The following FANCA variants were observed in gnomAD, a reference collection of about 807,000 sequenced individuals.
The protein encoded by FANCA is Fanconi anemia group A protein.
A neutral mutation model predicts 194.3 loss-of-function variants in FANCA; 236 were observed. The ratio of observed to expected loss-of-function variants is 1.21; its 90% CI spans 1.09 to 1.35. The LOEUF is 1.35. FANCA is among the 40% of genes most tolerant of loss of function. FANCA has a pLI of 0.00. For synonymous variants in FANCA, 1,014 were observed against 715.8 expected, an observed-to-expected ratio of 1.42 and a Z score of -6.65; for missense variants, 2,628 against 1,813.9, an observed-to-expected ratio of 1.45 and a Z score of -8.15.
chr16:89,788,216 A>G (rs1170070207), intron 14 of FANCA, among the ~76,000 whole-genome samples: 1 of 152,164 alleles, frequency 6.6e-6, no homozygotes, highest in African/African-American at 2.4e-5. Flanking sequence ...TAATCCCAGC[A>G]CTTTGGGAGG....
At chr16:89,805,232 G>C in intron 7 of FANCA, 48 bp downstream of exon 7, 1 of 1,437,758 alleles carries the variant, frequency 7.0e-7, no homozygotes, top group Non-Finnish European at 9.8e-7. Flanking sequence ...CATTATCACA[G>C]ATCAAAATGA....
intron 33 of FANCA, among the ~76,000 whole-genome samples, chr16:89,748,361 G>A (rs1414620516): frequency 6.6e-6 from 1 of 152,206 alleles, no homozygotes. Context: ...CGAGGTGCGT[G>A]GCACACAAAA....
At chr16:89,814,467 T>C in intron 3 of FANCA, 53 bp downstream of exon 3, 1 of 1,335,760 alleles carries the variant, frequency 7.5e-7, no homozygotes, top group Non-Finnish European at 1.1e-6. Context: ...CTATGGTTAC[T>C]ATATAAAAAC....
Position 89,738,289 on chromosome 16 carries a change from C to T in FANCA, c.*312G>A. ...AGCACCTCTAGCAGCCTGGACTCCG[C>T]AGTGGCTGTGTCAGCCTCACCCTTC... is the stretch of plus-strand genomic sequence containing the variant. On this transcript the variant is annotated 3_prime_UTR_variant, in exon 43 of 43. Transcript: ENST00000389301. 6.5e-7 allele frequency: 1 copy of T among 1,547,692 alleles called. No homozygotes were observed. The highest frequency in any genetic ancestry group is 8.7e-7 in the Non-Finnish European group (1 of 1,147,788).
intron 7 of FANCA, among the ~76,000 whole-genome samples, chr16:89,804,561 G>T (rs539838287): frequency 6.6e-6 from 1 of 151,410 alleles, no homozygotes; most frequent in Non-Finnish European, 1.5e-5. Flanking sequence ...ACTCTGGTCC[G>T]AGCCATCCTC....
chr16:89,785,395 T>C (rs1002388465), intron 14 of FANCA, among the ~76,000 whole-genome samples: 3 of 152,152 alleles, frequency 2.0e-5, no homozygotes, highest in Non-Finnish European at 4.4e-5. Flanking sequence ...TTTTGTGGGA[T>C]GAAGCCACTT....
In FANCA at chr16:89,792,159, C is replaced by T. The variant is rs1052535023; in HGVS notation, c.1084-91G>A. ...CCTTCCTCCCAGCCGGTGGCCACCG[C>T]AGCCCCCTCACTTCCCACTGCAAAG... On this transcript the variant is annotated intron_variant, in intron 12 of 42. Coordinates refer to ENST00000389301, the MANE Select transcript of FANCA (RefSeq NM_000135.4). The T allele has an allele frequency of 2.0e-6, 3 of 1,467,586 alleles. No individual in the cohort carries two copies. The African/African-American group carries it at 4.1e-5, about 20-fold the overall frequency. The allele number at this position is 1,467,586 out of a possible 1,614,324, so 90.9% of individuals were successfully genotyped here.
Position 89,769,331 on chromosome 16 carries a change from C to T in FANCA, c.2504+506G>A, listed in dbSNP as rs867017906. ...GATTCTGTCCTGGCTTCTGCCTGTG[C>T]GTGGCAGCTGCAGGGAGCCCTTGAG... On this transcript the variant is annotated intron_variant, in intron 26 of 42. Coordinates refer to ENST00000389301, the MANE Select transcript of FANCA (RefSeq NM_000135.4). Among the ~76,000 whole-genome samples, 27 of 152,290 alleles carry T rather than the reference C, an allele frequency of 1.8e-4. No homozygotes were observed. In the South Asian group the frequency reaches 4.4e-3, roughly 25 times the overall value.
chr16:89,811,540 G>T (rs1204400013), intron 3 of FANCA, among the ~76,000 whole-genome samples: 1 of 152,128 alleles, frequency 6.6e-6, no homozygotes, highest in Non-Finnish European at 1.5e-5. Context: ...TGGTGGGCAG[G>T]TGCAGTCACA....
chr16:89,743,382 A>T (rs2062179139), intron 36 of FANCA, among the ~76,000 whole-genome samples: 1 of 152,344 alleles, frequency 6.6e-6, no homozygotes, highest in Middle Eastern at 3.4e-3. Context: ...AATTGGTAGG[A>T]AATTAATGAA....
At chr16:89,777,002 AAG>A (rs1271381577) in intron 20 of FANCA, among the ~76,000 whole-genome samples, 4 of 151,788 alleles carry the variant, frequency 2.6e-5, no homozygotes, top group Admixed American at 1.3e-4. Flanking sequence ...ATTTGAGGCC[AAG>A]AGAGAGAGAA....
At chr16:89,768,262 GT>G (rs1375271683) in intron 26 of FANCA, among the ~76,000 whole-genome samples, 5 of 152,316 alleles carry the variant, frequency 3.3e-5, no homozygotes, top group Non-Finnish European at 5.9e-5. Context: ...CAATACCCAT[GT>G]GAAAAATTCT....
chr16:89,806,347 C>CTTTTTTTTTT (rs34862478), intron 6 of FANCA, among the ~76,000 whole-genome samples: 1 of 110,448 alleles, frequency 9.1e-6, no homozygotes, highest in Non-Finnish European at 1.7e-5. Flanking sequence ...CTATATCATT[C>CTTTTTTTTTT]TTTTTTTTTT....
At chr16:89,753,308 G>T (rs574818371) in intron 30 of FANCA, among the ~76,000 whole-genome samples, 1 of 152,170 alleles carries the variant, frequency 6.6e-6, no homozygotes, top group South Asian at 2.1e-4. Context: ...CCCGACACTC[G>T]GGGCCACTAC....
At chr16:89,792,667 T>G in intron 11 of FANCA, 120 bp from the exon 12 acceptor site, 2 of 784,376 alleles carry the variant, frequency 2.5e-6, no homozygotes, top group South Asian at 2.9e-5. Context: ...CGAGAGAGTG[T>G]AGAAAGAAAG....
At chr16:89,763,000 C>T (rs2039005051) in intron 28 of FANCA, among the ~76,000 whole-genome samples, 1 of 150,006 alleles carries the variant, frequency 6.7e-6, no homozygotes, top group Non-Finnish European at 1.5e-5. Flanking sequence ...GTAATCCCAG[C>T]ACTTTGGGAG....
chr16:89,792,314 G>A (rs1438125782), intron 12 of FANCA, among the ~76,000 whole-genome samples, 157 bp downstream of exon 12: 1 of 152,202 alleles, frequency 6.6e-6, no homozygotes, highest in African/African-American at 2.4e-5. Flanking sequence ...TCAGTCTCCT[G>A]ACCTGAGTGG....
intron 10 of FANCA, 38 bp from the exon 11 acceptor site, chr16:89,796,056 G>A: frequency 1.3e-6 from 2 of 1,529,906 alleles, no homozygotes; most frequent in Non-Finnish European, 1.8e-6. Flanking sequence ...GGAAAGGGAG[G>A]GTGCCTTGCA....
At chr16:89,754,268 C>A in intron 30 of FANCA, among the ~76,000 whole-genome samples, 1 of 151,542 alleles carries the variant, frequency 6.6e-6, no homozygotes. Flanking sequence ...AACAACACTG[C>A]CCGGGGAGTT....
Sources: allele counts gnomAD v4.1 joint callset (sites outside exome capture counted in the v4.1 genomes callset), GRCh38; gene constraint gnomAD v4.1.1; transcripts MANE v1.5; gene names NCBI Gene and HGNC (gene_info 2026-07-23, HGNC 2026-07-21).